Variants in NUDT1 observed in about 807,000 individuals in gnomAD.
NUDT1 encodes oxidized purine nucleoside triphosphate hydrolase.
NUDT1 carries 16 observed loss-of-function variants against 11.3 expected under a neutral mutation model. The observed-to-expected ratio is 1.41, with a 90% CI of 0.96 to 2.15. The LOEUF (loss-of-function observed/expected upper bound fraction) is 2.15. Ranked by LOEUF, NUDT1 falls within the 30% of genes most tolerant of loss-of-function variation. NUDT1 has a pLI of 0.00. For synonymous variants in NUDT1, 101 were observed against 84.4 expected, an observed-to-expected ratio of 1.20 and a Z score of -1.08; for missense variants, 234 against 208.4, an observed-to-expected ratio of 1.12 and a Z score of -0.76.
Position 2,250,989 on chromosome 7 carries a change from G to A in NUDT1, c.459G>A (p.Val153=), listed in dbSNP as rs777532626. The change falls in exon 4 of 4, where the codon GTG becomes GTA. Residue 153 remains valine, a synonymous_variant. Transcript: ENST00000356714. ...DTILDYTLRE[V]DTV is the part of the protein sequence containing the mutation. ...TCCTGGACTACACACTCCGCGAGGT[G>A]GACACGGTCTAGCGGGAGCCCAGGG... 5.0e-6 allele frequency: 8 copies of A among 1,613,950 alleles called. No homozygotes were observed. In the South Asian group the frequency reaches 6.6e-5, roughly 13 times the overall value.
Position 2,250,249 on chromosome 7 carries a change from C to A in NUDT1, c.298+247C>A, listed in dbSNP as rs34656400. On this transcript the variant is annotated intron_variant, in intron 3 of 3. Coordinates refer to ENST00000356714, the MANE Select transcript of NUDT1 (RefSeq NM_002452.4). ...CACGGTAATGAGGATGAAATATAAA[C>A]GATCGTCAGGTTCCTCACGATCACT... Among the ~76,000 whole-genome samples the A allele has an allele frequency of 6.0e-3, 908 of 152,268 alleles. 5 individuals carry two copies. The highest frequency in any genetic ancestry group is 0.01 in the Middle Eastern group (3 of 294).
chr7:2,249,946 T>G lies in NUDT1; in HGVS notation c.242T>G (p.Met81Arg). 6.2e-7 allele frequency: 1 copy of G among 1,614,204 alleles called. No individual in the cohort carries two copies. Among genetic ancestry groups the G allele is most frequent in the African/African-American group, 1.3e-5 (1 of 75,062 alleles). The stretch of plus-strand genomic sequence containing the variant: ...GAGTTCGTGGGCGAGCCTGAGCTCA[T>G]GGACGTGCATGTCTTCTGCACAGAC... ...VFEFVGEPEL[M>R]DVHVFCTDSI... Residue 81 changes from methionine (M) to arginine (R), a missense_variant, in exon 3 of 4, where the codon ATG becomes AGG. By Grantham distance (91) the Met-to-Arg change is moderately conservative. Transcript: ENST00000356714.
Position 2,249,981 on chromosome 7 carries a change from G to C in NUDT1, c.277G>C (p.Gly93Arg). ...VHVFCTDSIQ[G>R]TPVESDEMRP... ...TGTCTTCTGCACAGACAGCATCCAG[G>C]GGACCCCCGTGGAGAGCGACGGTGA... Residue 93 changes from glycine (G) to arginine (R), a missense_variant, in exon 3 of 4, where the codon GGG becomes CGG. By Grantham distance (125) the Gly-to-Arg change is moderately radical. Transcript: ENST00000356714. 1.2e-6 allele frequency: 2 copies of C among 1,614,118 alleles called. No individual in the cohort carries two copies. Among genetic ancestry groups the C allele is most frequent in the African/African-American group, 1.3e-5 (1 of 75,046 alleles).
Position 2,244,650 on chromosome 7 carries a change from G to C in NUDT1, c.76G>C (p.Gly26Arg), listed in dbSNP as rs944383762. 3.2e-5 allele frequency: 51 copies of C among 1,613,892 alleles called. No individual in the cohort carries two copies. Among genetic ancestry groups the C allele is most frequent in the Admixed American group, 6.7e-5 (4 of 59,982 alleles). Residue 26 changes from glycine (G) to arginine (R), a missense_variant, in exon 2 of 4, where the codon GGC becomes CGC. Transcript: ENST00000356714. ...AGTTCTCCTGGGCATGAAAAAGCGA[G>C]GCTTCGGGGCCGGCCGGTGGAATGG... The part of the protein sequence containing the change: ...QRVLLGMKKR[G>R]FGAGRWNGFG...
At chr7:2,244,451 T>TTGCCCCCCCCCC in intron 1 of NUDT1, 112 bp from the exon 2 acceptor site, 2 of 981,616 alleles carry the variant, frequency 2.0e-6, no homozygotes, top group Non-Finnish European at 1.5e-6. Flanking sequence ...AGTTACAGCA[T>TTGCCCCCCCCCC]ACCCCCCCGC....
At chr7:2,246,945 A>G (rs962832890) in intron 2 of NUDT1, among the ~76,000 whole-genome samples, 1 of 152,140 alleles carries the variant, frequency 6.6e-6, no homozygotes, top group African/African-American at 2.4e-5. Flanking sequence ...AAGAAAGAAA[A>G]AAATCCTTCG....
chr7:2,243,949 A>T (rs1481230801), intron 1 of NUDT1, among the ~76,000 whole-genome samples: 1 of 152,152 alleles, frequency 6.6e-6, no homozygotes, highest in African/African-American at 2.4e-5. Context: ...CAGGTCCCAC[A>T]GTAGCCACAG....
intron 2 of NUDT1, among the ~76,000 whole-genome samples, chr7:2,245,929 C>T (rs1311077333): frequency 6.6e-6 from 1 of 152,062 alleles, no homozygotes; most frequent in Non-Finnish European, 1.5e-5. Flanking sequence ...TGTGCTTCCC[C>T]TCCAAGGCTT....
intron 2 of NUDT1, among the ~76,000 whole-genome samples, chr7:2,246,328 G>T (rs1374349714): frequency 6.6e-6 from 1 of 152,218 alleles, no homozygotes; most frequent in Non-Finnish European, 1.5e-5. Flanking sequence ...CTCGTGGCCA[G>T]GGGCCTCCAG....
chr7:2,243,332 G>A (rs192380445), intron 1 of NUDT1, among the ~76,000 whole-genome samples: 7 of 152,294 alleles, frequency 4.6e-5, no homozygotes, highest in Non-Finnish European at 7.4e-5. Context: ...GCCTGGGTGT[G>A]GAGCCCTGGC....
Position 2,244,691 on chromosome 7 carries a change from G to A in NUDT1, c.117G>A (p.Val39=), listed in dbSNP as rs1794700951. 5 of 1,612,880 alleles carry A rather than the reference G, an allele frequency of 3.1e-6. No homozygotes were observed. The highest frequency in any genetic ancestry group is 4.2e-6 in the Non-Finnish European group (5 of 1,179,692). ...AGRWNGFGGK[V]QEGETIEDGA... ...GGTGGAATGGCTTTGGGGGCAAAGT[G>A]CAAGAAGGAGAGACCATCGAGGATG... is the stretch of plus-strand genomic sequence containing the variant. Residue 39 remains valine, a synonymous_variant, in exon 2 of 4, where the codon GTG becomes GTA. Transcript: ENST00000356714.
Position 2,250,843 on chromosome 7 carries a change from T to C in NUDT1, c.313T>C (p.Trp105Arg). 1.2e-6 allele frequency: 2 copies of C among 1,614,206 alleles called. No individual in the cohort carries two copies. The highest frequency in any genetic ancestry group is 1.3e-5 in the African/African-American group (1 of 75,076). Reference protein sequence around the residue: ...PVESDEMRPCWFQLDQIPFKD... With the variant: ...PVESDEMRPCRFQLDQIPFKD... ...CATTGGTACAGAAATGCGCCCATGCTGGTTCCAGCTGGATCAGATCCCCTT... is the reference window on the plus strand; with the variant it reads ...CATTGGTACAGAAATGCGCCCATGCCGGTTCCAGCTGGATCAGATCCCCTT... Residue 105 changes from tryptophan (W) to arginine (R), a missense_variant, in exon 4 of 4, where the codon TGG becomes CGG. Coordinates refer to ENST00000356714, the MANE Select transcript of NUDT1 (RefSeq NM_002452.4).
At position 2,242,272 on chromosome 7, in the gene NUDT1, G is replaced by T; in HGVS notation, c.-13+16G>T. ...GGCGGTGCAGGTACGAAAAGCGCGC[G>T]CGGGGATTCCAGGAGTCGTGGTGAC... On this transcript the variant is annotated intron_variant, in intron 1 of 3. Coordinates refer to ENST00000356714, the MANE Select transcript of NUDT1 (RefSeq NM_002452.4). 8.2e-7 allele frequency: 1 copy of T among 1,214,196 alleles called. No individual in the cohort carries two copies. 75.2% of individuals were successfully genotyped at this position (1,214,196 alleles called of 1,614,324 possible).
chr7:2,244,699 G>A lies in NUDT1; in HGVS notation c.125G>A (p.Gly42Glu), dbSNP rs748835994. ...GGCTTTGGGGGCAAAGTGCAAGAAGGAGAGACCATCGAGGATGGGGCTAGG... is the reference window on the plus strand; with the variant it reads ...GGCTTTGGGGGCAAAGTGCAAGAAGAAGAGACCATCGAGGATGGGGCTAGG... ...WNGFGGKVQE[G>E]ETIEDGARRE... Residue 42 changes from glycine (G) to glutamate (E), a missense_variant, in exon 2 of 4, where the codon GGA (glycine) becomes GAA (glutamate). Gly to Glu is a moderately conservative substitution (Grantham distance 98, BLOSUM62 -2). Transcript: ENST00000356714. 1.9e-5 allele frequency: 31 copies of A among 1,612,612 alleles called. No individual in the cohort carries two copies. The South Asian group carries it at 3.2e-4, about 17-fold the overall frequency.
At position 2,250,996 on chromosome 7, in the gene NUDT1, G is replaced by C. The variant is rs1398592298; in HGVS notation, c.466G>C (p.Val156Leu). 2 of 1,613,904 alleles carry C rather than the reference G, an allele frequency of 1.2e-6. No homozygotes were observed. The highest frequency in any genetic ancestry group is 8.5e-7 in the Non-Finnish European group (1 of 1,179,920). The change falls in exon 4 of 4, where the codon GTC becomes CTC. Residue 156 changes from valine to leucine, a missense_variant. Transcript: ENST00000356714. ...LDYTLREVDT[V>L] ...CTACACACTCCGCGAGGTGGACACG[G>C]TCTAGCGGGAGCCCAGGGCAGCCCC...
chr7:2,244,125 G>A (rs994938576), intron 1 of NUDT1, among the ~76,000 whole-genome samples: 5 of 152,218 alleles, frequency 3.3e-5, no homozygotes, highest in African/African-American at 1.2e-4. Context: ...TTAATCCAAA[G>A]GCCTGACCTG....
intron 2 of NUDT1, among the ~76,000 whole-genome samples, chr7:2,248,546 GCT>G (rs1491174635): frequency 8.7e-6 from 1 of 115,142 alleles, no homozygotes; most frequent in African/African-American, 3.9e-5. Flanking sequence ...TATGATGTTT[GCT>G]TTTTTTTTTT....
intron 1 of NUDT1, 193 bp from the exon 2 acceptor site, chr7:2,244,370 C>T: frequency 1.8e-6 from 1 of 544,884 alleles, no homozygotes; most frequent in Non-Finnish European, 3.2e-6. Context: ...CTGTTTCTAC[C>T]CCAGAAAATC....
chr7:2,246,592 G>A (rs1448373898), intron 2 of NUDT1, among the ~76,000 whole-genome samples: 10 of 152,170 alleles, frequency 6.6e-5, no homozygotes, highest in South Asian at 6.2e-4. Context: ...AGGCCCCCTC[G>A]GCAGCCCTGC....
Sources: gnomAD v4.1 joint callset for allele counts (sites outside exome capture counted in the v4.1 genomes callset) on GRCh38, gnomAD v4.1.1 for gene constraint, MANE v1.5 for transcripts, NCBI Gene and HGNC (gene_info 2026-07-23, HGNC 2026-07-21) for gene names.